Variants in EYS observed in about 807,000 individuals in gnomAD.
EYS encodes protein eyes shut homolog.
Under a neutral mutation model 282.1 loss-of-function variants are expected in EYS, and 250 were observed. The observed-to-expected ratio is 0.89, with a 90% confidence interval of 0.80 to 0.98. The LOEUF is 0.98. EYS is among the 50% of genes least tolerant of loss of function. The pLI, the probability that EYS is intolerant of heterozygous loss-of-function variation, is 0.00. For synonymous variants in EYS, 1,355 were observed against 1,282.9 expected, an observed-to-expected ratio of 1.06 and a Z score of -1.20; for missense variants, 4,016 against 3,709.0, an observed-to-expected ratio of 1.08 and a Z score of -2.15.
rs77393958 is a variant in EYS, at chr6:64,694,444, G to C, written c.3444-68199C>G. Among the ~76,000 whole-genome samples, 1,057 of 152,268 alleles carry C rather than the reference G, an allele frequency of 6.9e-3. 4 individuals carry two copies. Among genetic ancestry groups the C allele is most frequent in the Non-Finnish European group, 9.2e-3 (629 of 68,026 alleles). On this transcript the variant is annotated intron_variant, in intron 22 of 42. Coordinates refer to ENST00000503581, the MANE Select transcript of EYS (RefSeq NM_001142800.2). ...GGAAGCTGGGCAACTCAGGCCACAG[G>C]GGAACTCCTTGACCCTGCTAAGCCC...
At chr6:63,749,539 G>A (rs1484269813) in intron 41 of EYS, among the ~76,000 whole-genome samples, 1 of 152,154 alleles carries the variant, frequency 6.6e-6, no homozygotes, top group Non-Finnish European at 1.5e-5. Context: ...GAATATCTTT[G>A]TTAATTTTCT....
intron 11 of EYS, among the ~76,000 whole-genome samples, chr6:65,318,704 C>T (rs1248464994): frequency 2.0e-5 from 3 of 150,062 alleles, no homozygotes; most frequent in Non-Finnish European, 3.0e-5. Context: ...TGCAGGGGCA[C>T]GATCTCCACT....
At chr6:64,848,018 T>C (rs1227909971) in intron 19 of EYS, among the ~76,000 whole-genome samples, 2 of 152,082 alleles carry the variant, frequency 1.3e-5, no homozygotes. Context: ...TACAGTAGTA[T>C]AGATAGTTTA....
chr6:63,947,950 G>T (rs1269071942), intron 35 of EYS, among the ~76,000 whole-genome samples: 2 of 152,196 alleles, frequency 1.3e-5, no homozygotes, highest in Non-Finnish European at 2.9e-5. Context: ...TAGGAAGAAA[G>T]TTCATTTGAA....
intron 30 of EYS, among the ~76,000 whole-genome samples, chr6:64,241,389 T>A (rs567164860): frequency 6.6e-6 from 1 of 152,238 alleles, no homozygotes; most frequent in African/African-American, 2.4e-5. Flanking sequence ...TTTTTTTGGT[T>A]GGTAGCTATT....
chr6:64,835,071 C>A (rs188533705), intron 19 of EYS, among the ~76,000 whole-genome samples: 1 of 151,700 alleles, frequency 6.6e-6, no homozygotes. Flanking sequence ...GTTTAACTGG[C>A]TCTTGGAAGA....
intron 15 of EYS, among the ~76,000 whole-genome samples, chr6:64,943,651 G>A (rs1343377580): frequency 2.6e-5 from 4 of 151,944 alleles, no homozygotes; most frequent in Non-Finnish European, 1.5e-5. Context: ...ATCTAATCAA[G>A]GATGTGAAAG....
intron 26 of EYS, among the ~76,000 whole-genome samples, chr6:64,490,015 C>G (rs910208921): frequency 6.6e-6 from 1 of 150,740 alleles, no homozygotes; most frequent in Non-Finnish European, 1.5e-5. Context: ...AATGTCAGAA[C>G]TAATTTAGTT....
intron 22 of EYS, among the ~76,000 whole-genome samples, chr6:64,651,498 T>C (rs1768560139): frequency 6.6e-6 from 1 of 151,750 alleles, no homozygotes; most frequent in Admixed American, 6.6e-5. Flanking sequence ...GAAGGGAAAA[T>C]ACAGGGCAAA....
intron 33 of EYS, among the ~76,000 whole-genome samples, chr6:64,021,234 C>T (rs1258720749): frequency 6.6e-6 from 1 of 151,954 alleles, no homozygotes; most frequent in African/African-American, 2.4e-5. Flanking sequence ...TTCTTTCCAT[C>T]ACAATTACCC....
intron 12 of EYS, among the ~76,000 whole-genome samples, chr6:65,086,545 A>T (rs1420671332): frequency 6.6e-6 from 1 of 152,176 alleles, no homozygotes; most frequent in Non-Finnish European, 1.5e-5. Flanking sequence ...AAGCAGAGAT[A>T]TTATTTCCAA....
intron 31 of EYS, among the ~76,000 whole-genome samples, chr6:64,138,185 G>A (rs1774226572): frequency 6.6e-6 from 1 of 152,174 alleles, no homozygotes; most frequent in African/African-American, 2.4e-5. Flanking sequence ...ATGTAAATAG[G>A]TGAGCTGTAA....
intron 2 of EYS, among the ~76,000 whole-genome samples, chr6:65,611,785 A>C (rs1338429771): frequency 1.3e-5 from 2 of 152,056 alleles, no homozygotes; most frequent in Non-Finnish European, 2.9e-5. Context: ...CCTCAAACCC[A>C]CTACTTCTGG....
At chr6:64,997,505 A>C in intron 14 of EYS, 77 bp downstream of exon 14, 1 of 1,385,872 alleles carries the variant, frequency 7.2e-7, no homozygotes, top group Non-Finnish European at 9.9e-7. Flanking sequence ...CACAGGCAAA[A>C]ACTCACTCTA....
intron 2 of EYS, among the ~76,000 whole-genome samples, chr6:65,609,395 A>G (rs1765915725): frequency 1.3e-5 from 2 of 152,064 alleles, no homozygotes; most frequent in South Asian, 4.1e-4. Context: ...TAATTTTAAA[A>G]TTACATGAAT....
chr6:65,058,140 G>GA (rs1223836484), intron 12 of EYS, among the ~76,000 whole-genome samples: 1 of 152,058 alleles, frequency 6.6e-6, no homozygotes, highest in African/African-American at 2.4e-5. Flanking sequence ...CCTGAGGGCT[G>GA]AATGTTATTT....
intron 35 of EYS, among the ~76,000 whole-genome samples, chr6:63,958,112 G>A (rs1056415531): frequency 2.8e-5 from 4 of 140,702 alleles, no homozygotes; most frequent in African/African-American, 9.7e-5. Context: ...ATGTGCTAAT[G>A]TGGGGAGTCA....
At chr6:64,768,781 C>G (rs1773431936) in intron 22 of EYS, among the ~76,000 whole-genome samples, 1 of 152,140 alleles carries the variant, frequency 6.6e-6, no homozygotes, top group South Asian at 2.1e-4. Context: ...AAAGCCCTGA[C>G]TGCTAGATCA....
intron 31 of EYS, among the ~76,000 whole-genome samples, chr6:64,175,782 A>G (rs1208245709): frequency 1.3e-5 from 2 of 152,154 alleles, no homozygotes; most frequent in African/African-American, 4.8e-5. Flanking sequence ...TGGCTAGAAT[A>G]AGAGCCAATA....
Sources: allele counts gnomAD v4.1 joint callset (sites outside exome capture counted in the v4.1 genomes callset), GRCh38; gene constraint gnomAD v4.1.1; transcripts MANE v1.5; gene names NCBI Gene and HGNC (gene_info 2026-07-23, HGNC 2026-07-21).